HTT: variants seen among roughly 807,000 people sequenced by gnomAD.
HTT encodes huntingtin, also known as huntington disease protein.
In HTT, 104 loss-of-function variants were observed where a neutral mutation model predicts 362.3. That is an observed-to-expected ratio of 0.29 (90% CI 0.24 to 0.34). The LOEUF (loss-of-function observed/expected upper bound fraction) is 0.34. HTT is among the 10% of genes least tolerant of loss of function. The probability of loss-of-function intolerance (pLI) is 1.00; values close to 1 mark genes in which losing one functional copy is unlikely to be tolerated. For missense variants in HTT, 3,301 were observed against 3,928.6 expected, an observed-to-expected ratio of 0.84 and a Z score of 4.27; for synonymous variants, 1,577 against 1,548.7, an observed-to-expected ratio of 1.02 and a Z score of -0.43.
At chr4:3,099,079 G>C (rs531652375) in intron 2 of HTT, among the ~76,000 whole-genome samples, 195 bp from the exon 3 acceptor site, 1 of 152,162 alleles carries the variant, frequency 6.6e-6, no homozygotes, top group Non-Finnish European at 1.5e-5. Context: ...TTTAGTGTGA[G>C]ACATTTTCAT....
In HTT at chr4:3,135,905, C is replaced by T; in HGVS notation, c.2635C>T (p.Leu879=). The T allele has an allele frequency of 1.9e-6, 3 of 1,600,204 alleles. No individual in the cohort carries two copies. The highest frequency in any genetic ancestry group is 2.6e-6 in the Non-Finnish European group (3 of 1,174,764). The change falls in exon 20 of 67, where the codon CTG becomes TTG. Residue 879 remains leucine, a splice_region_variant and synonymous_variant. Coordinates refer to ENST00000355072, the MANE Select transcript of HTT (RefSeq NM_001388492.1). The stretch of plus-strand genomic sequence containing the variant: ...TTGTTAAATGTGCTCTTTTGTTAGG[C>T]TGGTGAGCTTTTTGGAGGCAAAAGC... ...LETLAEIDFR[L]VSFLEAKAEN...
At position 3,115,322 on chromosome 4, in the gene HTT, A is replaced by G; in HGVS notation, c.766A>G (p.Ile256Val). ...TCCGTAGGTTTTGTTAAAGGCCTTC[A>G]TAGCGAACCTGAAGTCAAGCTCCCC... ...NEIKVLLKAF[I>V]ANLKSSSPTI... is the part of the protein sequence containing the mutation. The change falls in exon 7 of 67, where the codon ATA becomes GTA. Residue 256 changes from isoleucine (I) to valine (V), a missense_variant. Transcript: ENST00000355072. The G allele has an allele frequency of 6.2e-7, 1 of 1,614,154 alleles. No individual in the cohort carries two copies.
intron 1 of HTT, 131 bp downstream of exon 1, chr4:3,075,219 C>T (rs192241392): frequency 4.2e-6 from 4 of 943,710 alleles, no homozygotes; most frequent in Non-Finnish European, 5.4e-6. Context: ...ACCCAGCAAC[C>T]CAGAGCCCAT....
chr4:3,205,976 T>A (rs920409405), intron 42 of HTT, among the ~76,000 whole-genome samples: 11 of 152,206 alleles, frequency 7.2e-5, no homozygotes, highest in Admixed American at 6.5e-4. Context: ...ATATGTGGGA[T>A]CCATTCATAT....
intron 1 of HTT, among the ~76,000 whole-genome samples, chr4:3,082,227 G>C (rs927627093): frequency 3.9e-5 from 6 of 152,106 alleles, no homozygotes; most frequent in African/African-American, 1.4e-4. Context: ...AGGACTTTTG[G>C]AGATGTAAAG....
chr4:3,156,022 G>A (rs1717128040), intron 27 of HTT, among the ~76,000 whole-genome samples: 1 of 151,998 alleles, frequency 6.6e-6, no homozygotes, highest in Non-Finnish European at 1.5e-5. Flanking sequence ...TGATTTTCTT[G>A]CATATGGTAC....
intron 6 of HTT, among the ~76,000 whole-genome samples, chr4:3,110,537 A>G (rs963101129): frequency 1.4e-4 from 22 of 152,178 alleles, no homozygotes; most frequent in African/African-American, 4.8e-4. Context: ...ATGTTTTTCT[A>G]TCGTCTAGTA....
rs1721871521 is a variant in HTT, at chr4:3,242,856, T to A, written c.*2797T>A. The A allele has an allele frequency of 6.6e-6, 1 of 152,172 alleles. No individual in the cohort carries two copies. Among genetic ancestry groups the A allele is most frequent in the African/African-American group, 2.4e-5 (1 of 41,450 alleles). 9.4% of individuals were successfully genotyped at this position (152,172 alleles called of 1,614,324 possible). On this transcript the variant is annotated 3_prime_UTR_variant, in exon 67 of 67. Coordinates refer to ENST00000355072, the MANE Select transcript of HTT (RefSeq NM_001388492.1). ...GCGTGTTTCTTTCCCAAAATGTGCC[T>A]CCCTTCCGCTGCGGGCCCAGCTGAG... is the stretch of plus-strand genomic sequence containing the variant.
intron 24 of HTT, 95 bp from the exon 25 acceptor site, chr4:3,146,700 TTG>T: frequency 9.5e-7 from 1 of 1,055,858 alleles, no homozygotes; most frequent in South Asian, 1.3e-5. Flanking sequence ...ATAAAATGTA[TTG>T]TGACATGCCT....
chr4:3,206,476 C>G lies in HTT; in HGVS notation c.5719-20C>G, dbSNP rs1245001161. The G allele has an allele frequency of 6.2e-7, 1 of 1,602,756 alleles. No individual in the cohort carries two copies. The highest frequency in any genetic ancestry group is 8.5e-7 in the Non-Finnish European group (1 of 1,169,980). On this transcript the variant is annotated intron_variant, in intron 42 of 66. Transcript: ENST00000355072. The surrounding 1 kb of genome is among the most constrained non-coding windows in gnomAD (Gnocchi z 4.6). Reference sequence around the variant, plus strand: ...TTCTTGTGTACTTGAAAATGAATCTCTCATCATATTTTTCCTTAGTGTCAG... The same window carrying G: ...TTCTTGTGTACTTGAAAATGAATCTGTCATCATATTTTTCCTTAGTGTCAG...
chr4:3,170,697 A>G (rs762226661), intron 29 of HTT, among the ~76,000 whole-genome samples: 4 of 152,010 alleles, frequency 2.6e-5, no homozygotes, highest in Non-Finnish European at 5.9e-5. Flanking sequence ...CAGCCTAGGA[A>G]CTCTCTCAAA....
chr4:3,214,143 C>T lies in HTT; in HGVS notation c.6952+8C>T, dbSNP rs767196159. 2 of 1,487,044 alleles carry T rather than the reference C, an allele frequency of 1.3e-6. No homozygotes were observed. Among genetic ancestry groups the T allele is most frequent in the South Asian group, 1.3e-5 (1 of 74,594 alleles). 92.1% of individuals were successfully genotyped at this position (1,487,044 alleles called of 1,614,324 possible). ...ACTTCATCCTGGAGGCCGGTGAGTC[C>T]CCGTCCATGAACGGTGGGTTCCTAT... is the stretch of plus-strand genomic sequence containing the variant. On this transcript the variant is annotated splice_region_variant and intron_variant, in intron 50 of 66. Transcript: ENST00000355072.
chr4:3,083,152 G>A (rs1713005303), intron 1 of HTT, among the ~76,000 whole-genome samples: 1 of 152,166 alleles, frequency 6.6e-6, no homozygotes, highest in Non-Finnish European at 1.5e-5. Flanking sequence ...CGAGAGATGA[G>A]AGGTTAGAGA....
chr4:3,142,139 T>A (rs1288272719), intron 22 of HTT, among the ~76,000 whole-genome samples: 1 of 152,178 alleles, frequency 6.6e-6, no homozygotes, highest in Non-Finnish European at 1.5e-5. Context: ...ATAGATACAA[T>A]GACCAATTGT....
intron 40 of HTT, among the ~76,000 whole-genome samples, chr4:3,198,153 C>T (rs150579424): frequency 7.3e-5 from 11 of 151,684 alleles, no homozygotes; most frequent in African/African-American, 2.2e-4. Flanking sequence ...ATTGTGGAGC[C>T]CTAAAAAGCC....
Position 3,173,144 on chromosome 4 carries a change from G to T in HTT, c.4166+13G>T, listed in dbSNP as rs1326967154. The T allele has an allele frequency of 4.4e-6, 7 of 1,605,392 alleles. No individual in the cohort carries two copies. The highest frequency in any genetic ancestry group is 5.1e-6 in the Non-Finnish European group (6 of 1,172,898). ...ACGACACCTCGGGGTAACAGTTGTGGCAAGAATGCTGTCGTTGGTGGAAGC... is the reference window on the plus strand; with the variant it reads ...ACGACACCTCGGGGTAACAGTTGTGTCAAGAATGCTGTCGTTGGTGGAAGC... On this transcript the variant is annotated intron_variant, in intron 31 of 66. Coordinates refer to ENST00000355072, the MANE Select transcript of HTT (RefSeq NM_001388492.1).
At chr4:3,143,607 A>AT (rs1246141103) in intron 23 of HTT, among the ~76,000 whole-genome samples, 5 of 149,626 alleles carry the variant, frequency 3.3e-5, no homozygotes, top group African/African-American at 9.9e-5. Flanking sequence ...TTTTAATTTT[A>AT]TTATTTTTTT....
intron 40 of HTT, among the ~76,000 whole-genome samples, chr4:3,196,305 A>G (rs1719254863): frequency 6.6e-6 from 1 of 152,142 alleles, no homozygotes; most frequent in East Asian, 1.9e-4. Context: ...TCCCAGCGGA[A>G]CAGGGGACCT....
rs575002104 is a variant in HTT, at chr4:3,095,371, C to T, written c.348-3903C>T. ...GAAACCCCGTCTCCACCAAAAAACACGAAAACCAGTCAGACATGGCGGTGC... is the reference window on the plus strand; with the variant it reads ...GAAACCCCGTCTCCACCAAAAAACATGAAAACCAGTCAGACATGGCGGTGC... On this transcript the variant is annotated intron_variant, in intron 2 of 66. Coordinates refer to ENST00000355072, the MANE Select transcript of HTT (RefSeq NM_001388492.1). 1.1e-4 allele frequency among the ~76,000 whole-genome samples: 16 copies of T among 152,340 alleles called. No homozygotes were observed. The South Asian group carries it at 3.3e-3, about 32-fold the overall frequency.
Sources: allele counts gnomAD v4.1 joint callset (sites outside exome capture counted in the v4.1 genomes callset), GRCh38; gene constraint gnomAD v4.1.1; non-coding constraint Gnocchi (gnomAD v3.1); transcripts MANE v1.5; gene names NCBI Gene and HGNC (gene_info 2026-07-23, HGNC 2026-07-21).